ADAMTSL3: variants seen among roughly 807,000 people sequenced by gnomAD.
ADAMTSL3 encodes the protein ADAMTS-like protein 3.
In ADAMTSL3, 128 loss-of-function variants were observed where a neutral mutation model predicts 201.7. The observed-to-expected ratio is 0.63, with a 90% CI of 0.55 to 0.73. The LOEUF (loss-of-function observed/expected upper bound fraction) is 0.73. Among genes scored for constraint, ADAMTSL3 ranks in the 30% least tolerant of loss-of-function variants. The pLI is 0.00. For missense variants in ADAMTSL3, 1,990 were observed against 2,119.6 expected (o/e 0.94, Z 1.20); for synonymous variants, 738 against 748.4 (o/e 0.99, Z 0.23).
rs777804863 is a variant in ADAMTSL3, at chr15:83,852,206, G to A, written c.728-6560G>A. Reference sequence around the variant, plus strand: ...CGGCTCACTATGACCCCCGCCTCCTGGGTTCAAGCAATTCTCATGCCTCAA... The same window carrying A: ...CGGCTCACTATGACCCCCGCCTCCTAGGTTCAAGCAATTCTCATGCCTCAA... On this transcript the variant is annotated intron_variant, in intron 7 of 29. Coordinates refer to ENST00000286744, the MANE Select transcript of ADAMTSL3 (RefSeq NM_207517.3). Among the ~76,000 whole-genome samples the A allele has an allele frequency of 8.9e-4, 135 of 151,676 alleles. 1 individual carries two copies. Among genetic ancestry groups the A allele is most frequent in the Admixed American group, 1.9e-3 (29 of 15,208 alleles).
Position 83,697,186 on chromosome 15 carries a change from C to T in ADAMTSL3, c.70-7203C>T, listed in dbSNP as rs1244305768. 3.3e-5 allele frequency among the ~76,000 whole-genome samples: 5 copies of T among 152,142 alleles called. 1 individual carries two copies. In the East Asian group the frequency reaches 9.6e-4, roughly 29 times the overall value. On this transcript the variant is annotated intron_variant, in intron 2 of 29. Coordinates refer to ENST00000286744, the MANE Select transcript of ADAMTSL3 (RefSeq NM_207517.3). ...TTCTGCTCTTGAATCTAGGAATACC[C>T]TCTTCTCCCCTGCTTCTCTCTCTTC... is the stretch of plus-strand genomic sequence containing the variant.
intron 25 of ADAMTSL3, among the ~76,000 whole-genome samples, chr15:84,017,961 G>A (rs1418283523): frequency 6.6e-6 from 1 of 152,204 alleles, no homozygotes; most frequent in East Asian, 1.9e-4. Flanking sequence ...CTCTAGAGAA[G>A]TCAACTGAGT....
In ADAMTSL3 at chr15:83,717,218, G is replaced by A. The variant is rs1162053757; in HGVS notation, c.189+12710G>A. ...ATGTTGATTGAATCTCTGTAATGTG[G>A]CATCATGCTGGGTGTATGATACTGT... On this transcript the variant is annotated intron_variant, in intron 3 of 29. Transcript: ENST00000286744. 1.8e-4 allele frequency among the ~76,000 whole-genome samples: 27 copies of A among 152,168 alleles called. 1 individual carries two copies. The highest frequency in any genetic ancestry group is 1.5e-5 in the Non-Finnish European group (1 of 68,034).
intron 3 of ADAMTSL3, among the ~76,000 whole-genome samples, chr15:83,728,728 A>G (rs1048872635): frequency 4.6e-5 from 7 of 151,970 alleles, no homozygotes; most frequent in African/African-American, 1.7e-4. Flanking sequence ...AGTTGTAGTT[A>G]TTATTTTTGA....
chr15:83,664,219 A>G (rs1347241026), intron 2 of ADAMTSL3, among the ~76,000 whole-genome samples: 1 of 152,036 alleles, frequency 6.6e-6, no homozygotes, highest in Non-Finnish European at 1.5e-5. Flanking sequence ...AAATAAACAC[A>G]ATCTTCATAA....
At chr15:83,672,768 G>A (rs528966108) in intron 2 of ADAMTSL3, among the ~76,000 whole-genome samples, 23 of 152,330 alleles carry the variant, frequency 1.5e-4, no homozygotes, top group African/African-American at 5.5e-4. Flanking sequence ...TTGCAACGTT[G>A]CTTCCTTGTG....
intron 16 of ADAMTSL3, among the ~76,000 whole-genome samples, chr15:83,923,077 T>G (rs2066177709): frequency 6.6e-6 from 1 of 152,196 alleles, no homozygotes; most frequent in Non-Finnish European, 1.5e-5. Flanking sequence ...AAAATATGCT[T>G]GTGAAATTTC....
intron 3 of ADAMTSL3, among the ~76,000 whole-genome samples, chr15:83,737,475 C>T (rs1245396433): frequency 1.3e-5 from 2 of 152,136 alleles, no homozygotes; most frequent in Non-Finnish European, 1.5e-5. Flanking sequence ...CAAGTTCCTC[C>T]TTTGTTCACT....
At chr15:83,699,582 G>A (rs1484916857) in intron 2 of ADAMTSL3, among the ~76,000 whole-genome samples, 2 of 152,180 alleles carry the variant, frequency 1.3e-5, no homozygotes, top group African/African-American at 4.8e-5. Context: ...AAAGCAGTCA[G>A]TGTTGTTTAA....
chr15:84,029,849 A>C (rs1163306879), intron 27 of ADAMTSL3, among the ~76,000 whole-genome samples: 1 of 152,204 alleles, frequency 6.6e-6, no homozygotes, highest in African/African-American at 2.4e-5. Context: ...CAGTCCGAGC[A>C]CTTGGAGCCC....
At chr15:83,705,660 A>G (rs976619408) in intron 3 of ADAMTSL3, among the ~76,000 whole-genome samples, 1 of 152,136 alleles carries the variant, frequency 6.6e-6, no homozygotes, top group Non-Finnish European at 1.5e-5. Context: ...GAGGGCAGGT[A>G]GAGGAGTCTG....
chr15:84,036,906 T>A lies in ADAMTSL3; in HGVS notation c.4888T>A (p.Cys1630Ser). The change falls in exon 29 of 30, where the codon TGC (cysteine) becomes AGC (serine). Residue 1630 changes from cysteine (C) to serine (S), a missense_variant. Cys to Ser is a moderately radical substitution (Grantham distance 112, BLOSUM62 -1). Transcript: ENST00000286744. ...AGTCGACTGTATCCACACAAGGAGT[T>A]GCAAACCTGTGGCCAAGAGACACTG... is the stretch of plus-strand genomic sequence containing the variant. ...RKVDCIHTRS[C>S]KPVAKRHCVQ... 1.2e-6 allele frequency: 2 copies of A among 1,614,078 alleles called. No homozygotes were observed. Among genetic ancestry groups the A allele is most frequent in the African/African-American group, 2.7e-5 (2 of 75,012 alleles).
At chr15:83,702,490 G>T (rs537572931) in intron 2 of ADAMTSL3, among the ~76,000 whole-genome samples, 1 of 152,186 alleles carries the variant, frequency 6.6e-6, no homozygotes, top group African/African-American at 2.4e-5. Flanking sequence ...GTGGTTTTGC[G>T]GGCTGGGCCC....
At chr15:83,897,814 T>G in intron 13 of ADAMTSL3, 44 bp from the exon 14 acceptor site, 1 of 1,534,574 alleles carries the variant, frequency 6.5e-7, no homozygotes, top group Non-Finnish European at 8.8e-7. Context: ...GCCTTTGTGG[T>G]TCTCTTAAAA....
At position 83,891,396 on chromosome 15, in the gene ADAMTSL3, C is replaced by T; in HGVS notation, c.1262+17C>T. 1 of 1,609,438 alleles carries T rather than the reference C, an allele frequency of 6.2e-7. No homozygotes were observed. Among genetic ancestry groups the T allele is most frequent in the Middle Eastern group, 1.7e-4 (1 of 6,052 alleles). ...TCTTCCTCGGTGAGTTATATGTTTC[C>T]TTTTCCTTTTTGCAATTTAAGTAGT... is the stretch of plus-strand genomic sequence containing the variant. On this transcript the variant is annotated intron_variant, in intron 12 of 29. Transcript: ENST00000286744.
At chr15:83,714,892 T>C (rs149703263) in intron 3 of ADAMTSL3, among the ~76,000 whole-genome samples, 5 of 37,802 alleles carry the variant, frequency 1.3e-4, no homozygotes, top group East Asian at 0.01. Flanking sequence ...CTTCCTTCCT[T>C]CCTTCCTTCC....
chr15:83,858,805 G>C lies in ADAMTSL3; in HGVS notation c.767G>C (p.Ser256Thr). 1 of 1,613,834 alleles carries C rather than the reference G, an allele frequency of 6.2e-7. No homozygotes were observed. Among genetic ancestry groups the C allele is most frequent in the South Asian group, 1.1e-5 (1 of 91,026 alleles). The change falls in exon 8 of 30, where the codon AGT becomes ACT. Residue 256 changes from serine (S) to threonine (T), a missense_variant. By Grantham distance (58) the Ser-to-Thr change is moderately conservative (BLOSUM62 1). Coordinates refer to ENST00000286744, the MANE Select transcript of ADAMTSL3 (RefSeq NM_207517.3). Reference sequence around the variant, plus strand: ...ATTGCTGTTCCTTTGGGAAGTCGAAGTGTGAGAATTACAGTGAAAGGACCT... The same window carrying C: ...ATTGCTGTTCCTTTGGGAAGTCGAACTGTGAGAATTACAGTGAAAGGACCT... ...NVIAVPLGSR[S>T]VRITVKGPAH...
intron 11 of ADAMTSL3, among the ~76,000 whole-genome samples, chr15:83,890,494 A>G (rs1392112724): frequency 6.6e-6 from 1 of 152,160 alleles, no homozygotes; most frequent in Non-Finnish European, 1.5e-5. Context: ...ACCCTTTTGA[A>G]CAGCTCCTGC....
At chr15:83,976,159 G>C (rs1320294874) in intron 20 of ADAMTSL3, among the ~76,000 whole-genome samples, 1 of 152,188 alleles carries the variant, frequency 6.6e-6, no homozygotes, top group African/African-American at 2.4e-5. Context: ...AGGGTGGTGA[G>C]TGGGGAGAGG....
Sources: allele counts gnomAD v4.1 joint callset (sites outside exome capture counted in the v4.1 genomes callset), GRCh38; gene constraint gnomAD v4.1.1; transcripts MANE v1.5; gene names NCBI Gene and HGNC (gene_info 2026-07-23, HGNC 2026-07-21).